MTREX: variants seen among roughly 807,000 people sequenced by gnomAD.
The protein encoded by MTREX is exosome RNA helicase MTR4.
A neutral mutation model predicts 135.4 loss-of-function variants in MTREX; 76 were observed. The ratio of observed to expected loss-of-function variants is 0.56; its 90% CI spans 0.47 to 0.68. The LOEUF (loss-of-function observed/expected upper bound fraction) is 0.68. MTREX is among the 30% of genes least tolerant of loss of function. MTREX has a pLI of 0.00. For missense variants in MTREX, 920 were observed against 1,262.1 expected, an observed-to-expected ratio of 0.73 and a Z score of 4.11; for synonymous variants, 404 against 401.6, an observed-to-expected ratio of 1.01 and a Z score of -0.07.
At chr5:55,341,492 A>T (rs1749648952) in intron 6 of MTREX, among the ~76,000 whole-genome samples, 189 bp from the exon 7 acceptor site, 1 of 152,196 alleles carries the variant, frequency 6.6e-6, no homozygotes, top group Admixed American at 6.5e-5. Flanking sequence ...AATATACAAC[A>T]ATGTAATATT....
intron 16 of MTREX, among the ~76,000 whole-genome samples, chr5:55,372,749 G>C (rs1202878680): frequency 6.6e-6 from 1 of 152,014 alleles, no homozygotes; most frequent in Non-Finnish European, 1.5e-5. Flanking sequence ...CAGATAAAGA[G>C]CTAAAAATTT....
At chr5:55,356,354 A>C (rs1749912037) in intron 14 of MTREX, 1 of 161,034 alleles carries the variant, frequency 6.2e-6, no homozygotes, top group East Asian at 1.8e-4. Context: ...TCTGCAGCTC[A>C]CGCTCTTGCA....
At chr5:55,391,384 C>A (rs575021733) in intron 19 of MTREX, among the ~76,000 whole-genome samples, 116 of 152,004 alleles carry the variant, frequency 7.6e-4, no homozygotes, top group Non-Finnish European at 1.4e-3. Flanking sequence ...GAGGTTAGGG[C>A]TGCAGTGAGC....
intron 1 of MTREX, among the ~76,000 whole-genome samples, chr5:55,308,794 G>A (rs1480820352): frequency 6.6e-6 from 1 of 152,186 alleles, no homozygotes; most frequent in East Asian, 1.9e-4. Flanking sequence ...AAAGTGTACA[G>A]ATCTGTTTAT....
intron 18 of MTREX, among the ~76,000 whole-genome samples, chr5:55,380,131 C>T (rs1183112949): frequency 1.3e-5 from 2 of 151,518 alleles, no homozygotes; most frequent in South Asian, 2.1e-4. Context: ...TTAGTAGAGA[C>T]GGGTTTCACC....
chr5:55,361,215 A>G (rs561814258), intron 15 of MTREX, among the ~76,000 whole-genome samples: 4 of 152,352 alleles, frequency 2.6e-5, no homozygotes, highest in Non-Finnish European at 5.9e-5. Context: ...CAGAACTTTA[A>G]TAGAAATACT....
chr5:55,351,163 A>G, intron 13 of MTREX, 134 bp downstream of exon 13: 1 of 1,049,724 alleles, frequency 9.5e-7, no homozygotes, highest in Middle Eastern at 3.4e-4. Flanking sequence ...AATGAACTTA[A>G]TTTTTATATA....
At chr5:55,314,075 C>T (rs1416078409) in intron 1 of MTREX, among the ~76,000 whole-genome samples, 3 of 151,736 alleles carry the variant, frequency 2.0e-5, no homozygotes, top group African/African-American at 7.3e-5. Flanking sequence ...TTTGCTGTTA[C>T]AAATGATGCA....
intron 16 of MTREX, among the ~76,000 whole-genome samples, chr5:55,369,803 C>G (rs1750165765): frequency 6.6e-6 from 1 of 152,182 alleles, no homozygotes; most frequent in South Asian, 2.1e-4. Context: ...CCTTTTGAAG[C>G]CACTGTATAG....
intron 15 of MTREX, among the ~76,000 whole-genome samples, chr5:55,361,175 C>CA (rs1243061467): frequency 2.6e-5 from 4 of 152,052 alleles, no homozygotes; most frequent in Non-Finnish European, 5.9e-5. Context: ...TTCTTATAGG[C>CA]AAAAATAATT....
chr5:55,315,031 G>A (rs1010465951), intron 1 of MTREX, among the ~76,000 whole-genome samples: 5 of 152,146 alleles, frequency 3.3e-5, no homozygotes, highest in South Asian at 2.1e-4. Flanking sequence ...CCAGGGGTTG[G>A]GGGCCCATTT....
intron 16 of MTREX, 114 bp from the exon 17 acceptor site, chr5:55,378,199 TA>T: frequency 8.1e-7 from 1 of 1,231,070 alleles, no homozygotes; most frequent in Non-Finnish European, 1.1e-6. Flanking sequence ...AGGTGGAAGG[TA>T]AACAAAAACC....
At chr5:55,354,266 C>T (rs1449966834) in intron 14 of MTREX, among the ~76,000 whole-genome samples, 1 of 152,098 alleles carries the variant, frequency 6.6e-6, no homozygotes, top group Non-Finnish European at 1.5e-5. Flanking sequence ...GAAAGGAAGT[C>T]ATTTGGGGGT....
At chr5:55,311,124 A>G (rs1164419676) in intron 1 of MTREX, among the ~76,000 whole-genome samples, 6 of 152,146 alleles carry the variant, frequency 3.9e-5, no homozygotes, top group Admixed American at 3.9e-4. Flanking sequence ...TTGTCAAACT[A>G]TGTATTTTAT....
Position 55,425,016 on chromosome 5 carries a change from G to A in MTREX, c.*244G>A, listed in dbSNP as rs1751133622. 1.2e-6 allele frequency: 1 copy of A among 808,882 alleles called. No individual in the cohort carries two copies. The highest frequency in any genetic ancestry group is 1.9e-6 in the Non-Finnish European group (1 of 520,768). The allele number at this position is 808,882 out of a possible 1,614,324, so 50.1% of individuals were successfully genotyped here. Reference sequence around the variant, plus strand: ...GGAAGGCTTGGAGTTTTTTTAATGAGTTTAGAGCTATTAGATAACCACTGA... The same window carrying A: ...GGAAGGCTTGGAGTTTTTTTAATGAATTTAGAGCTATTAGATAACCACTGA... On this transcript the variant is annotated 3_prime_UTR_variant, in exon 27 of 27. Transcript: ENST00000230640.
intron 23 of MTREX, among the ~76,000 whole-genome samples, chr5:55,412,730 T>C (rs1476229318): frequency 6.6e-6 from 1 of 152,194 alleles, no homozygotes; most frequent in African/African-American, 2.4e-5. Context: ...CCTCCTCACA[T>C]CAGGACTGGT....
chr5:55,425,480 AC>A lies in MTREX; in HGVS notation c.*709del. 1 of 709,898 alleles carries A rather than the reference AC, an allele frequency of 1.4e-6. No individual in the cohort carries two copies. Among genetic ancestry groups the A allele is most frequent in the Non-Finnish European group, 2.1e-6 (1 of 477,804 alleles). 44.0% of individuals were successfully genotyped at this position (709,898 alleles called of 1,614,324 possible). A position where few individuals can be genotyped will look rare whatever the true frequency, so the allele number is the denominator to read the frequency against. ...TAAGCATATAAAAAATTAGAGACTAACTGGGATTTTTTAAAGATTATTCCAA... is the reference window on the plus strand; with the variant it reads ...TAAGCATATAAAAAATTAGAGACTAATGGGATTTTTTAAAGATTATTCCAA... On this transcript the variant is annotated 3_prime_UTR_variant, in exon 27 of 27. Coordinates refer to ENST00000230640, the MANE Select transcript of MTREX (RefSeq NM_015360.5).
intron 19 of MTREX, among the ~76,000 whole-genome samples, chr5:55,392,135 A>G (rs1371346739): frequency 6.6e-6 from 1 of 152,102 alleles, no homozygotes; most frequent in African/African-American, 2.4e-5. Context: ...GTCATTTCTG[A>G]ATTATTTTAA....
intron 16 of MTREX, among the ~76,000 whole-genome samples, chr5:55,373,233 T>C (rs962257324): frequency 1.3e-4 from 19 of 151,824 alleles, no homozygotes; most frequent in African/African-American, 4.6e-4. Context: ...CTGTATTATG[T>C]CTTGGAGGAA....
Sources: allele counts gnomAD v4.1 joint callset (sites outside exome capture counted in the v4.1 genomes callset), GRCh38; gene constraint gnomAD v4.1.1; transcripts MANE v1.5; gene names NCBI Gene and HGNC (gene_info 2026-07-23, HGNC 2026-07-21).